Variants in ZNF581 observed in about 807,000 individuals in gnomAD.
ZNF581 encodes the protein zinc finger protein 581.
In ZNF581, 1 loss-of-function variant was observed where a neutral mutation model predicts 1.2. The ratio of observed to expected loss-of-function variants is 0.83; its 90% CI spans 0.30 to 3.95. The LOEUF is 3.95. Ranked by LOEUF, ZNF581 falls within the 30% of genes most tolerant of loss-of-function variation. ZNF581 has a pLI of 0.18. For synonymous variants in ZNF581, 105 were observed against 109.2 expected (o/e 0.96, Z 0.24); for missense variants, 273 against 274.6 (o/e 0.99, Z 0.04).
upstream of ZNF581, chr19:55,642,275 G>T: frequency 2.4e-6 from 3 of 1,243,152 alleles, no homozygotes; most frequent in Non-Finnish European, 3.0e-6. Context: ...GGAGTGGCAG[G>T]TGGTGGCGGG....
upstream of ZNF581, chr19:55,642,212 T>TC (rs1298043142): frequency 2.6e-6 from 3 of 1,173,456 alleles, no homozygotes; most frequent in East Asian, 1.2e-4. Context: ...GGAAGAAAAG[T>TC]CGGGGGACTA....
upstream of ZNF581, among the ~76,000 whole-genome samples, chr19:55,638,239 G>A (rs540053994): frequency 6.6e-6 from 1 of 150,732 alleles, no homozygotes; most frequent in Non-Finnish European, 1.5e-5. Context: ...TTTTTTGTTT[G>A]TTTGTTTGTT....
At chr19:55,643,333 C>T (rs1414786969), upstream of ZNF581, 5 of 359,936 alleles carry the variant, frequency 1.4e-5, no homozygotes, top group African/African-American at 8.5e-5. Flanking sequence ...TGGTTTTCTG[C>T]TCTCTGGAGC....
upstream of ZNF581, chr19:55,642,502 G>A (rs310475): frequency 0.63 from 889,718 of 1,422,626 alleles, 283,526 homozygotes; most frequent in Non-Finnish European, 0.65. Flanking sequence ...CCCAGCTGCC[G>A]CTCCAGATGC....
chr19:55,643,423 T>G, upstream of ZNF581: 1 of 209,048 alleles, frequency 4.8e-6, no homozygotes, highest in Non-Finnish European at 1.0e-5. Context: ...TCTACCCCCC[T>G]TCCGCCCACG....
At chr19:55,641,098 T>C, upstream of ZNF581, 1 of 985,102 alleles carries the variant, frequency 1.0e-6, no homozygotes, top group African/African-American at 1.7e-5. Context: ...GAAGTCTCGG[T>C]TCCGCCGCCG....
rs1982802398 is a variant in ZNF581, at chr19:55,645,608, A to T, written c.*443A>T. 1 of 171,494 alleles carries T rather than the reference A, an allele frequency of 5.8e-6. No homozygotes were observed. Among genetic ancestry groups the T allele is most frequent in the Non-Finnish European group, 1.4e-5 (1 of 71,338 alleles). 10.6% of individuals were successfully genotyped at this position (171,494 alleles called of 1,614,324 possible). ...GCCTGAGACTGATCAAACAATAAACACGTTTCCCACTCTGAGCACTCGAGG... is the reference window on the plus strand; with the variant it reads ...GCCTGAGACTGATCAAACAATAAACTCGTTTCCCACTCTGAGCACTCGAGG... On this transcript the variant is annotated 3_prime_UTR_variant, in exon 2 of 2. Coordinates refer to ENST00000270451, the MANE Select transcript of ZNF581 (RefSeq NM_016535.4).
rs374283056 is a variant in ZNF581, at chr19:55,645,346, C to T, written c.*181C>T. 7 of 515,896 alleles carry T rather than the reference C, an allele frequency of 1.4e-5. No individual in the cohort carries two copies. Among genetic ancestry groups the T allele is most frequent in the African/African-American group, 9.6e-5 (5 of 51,862 alleles). 32.0% of individuals were successfully genotyped at this position (515,896 alleles called of 1,614,324 possible). A position where few individuals can be genotyped will look rare whatever the true frequency, so the allele number is the denominator to read the frequency against. On this transcript the variant is annotated 3_prime_UTR_variant, in exon 2 of 2. Coordinates refer to ENST00000270451, the MANE Select transcript of ZNF581 (RefSeq NM_016535.4). The stretch of plus-strand genomic sequence containing the variant: ...ATCCGTGAGTAATCTTCAGGTCCTC[C>T]GTGTTCTGGAGCTGAGATGGGAATG...
At chr19:55,641,469 C>T (rs763831542), upstream of ZNF581, among the ~76,000 whole-genome samples, 48 of 152,212 alleles carry the variant, frequency 3.2e-4, no homozygotes, top group Admixed American at 7.2e-4. Flanking sequence ...AAAGAACGGG[C>T]GGGGGACCAC....
At chr19:55,636,924 A>C (rs935277281), upstream of ZNF581, among the ~76,000 whole-genome samples, 1 of 152,112 alleles carries the variant, frequency 6.6e-6, no homozygotes, top group Admixed American at 6.5e-5. Flanking sequence ...AGCCAGCACC[A>C]TGGTGCCCAG....
chr19:55,640,843 G>A (rs1982411809), upstream of ZNF581: 2 of 985,412 alleles, frequency 2.0e-6, no homozygotes, highest in Non-Finnish European at 2.4e-6. Flanking sequence ...CGTTCCGTTC[G>A]GGAGGTGGGA....
At chr19:55,636,963 C>T (rs1237386922), upstream of ZNF581, among the ~76,000 whole-genome samples, 8 of 152,124 alleles carry the variant, frequency 5.3e-5, no homozygotes, top group East Asian at 9.7e-4. Context: ...GGCCAGTCTA[C>T]GCAGGGCCTT....
chr19:55,640,564 T>G (rs991510127), upstream of ZNF581: 12 of 985,358 alleles, frequency 1.2e-5, no homozygotes, highest in Non-Finnish European at 1.4e-5. Context: ...GCGTCTGGCC[T>G]TCTCCGGGCC....
exon 1 of ZNF581, chr19:55,635,636 G>A (rs978264240): frequency 2.9e-5 from 29 of 985,280 alleles, no homozygotes; most frequent in Non-Finnish European, 3.5e-5. Context: ...GGGGACATGA[G>A]TAATCAGTCA....
rs1252662459 is a variant in ZNF581 at position 55,643,725 on chromosome 19, TAGCCCGGG to T, written c.-68_-61del. On this transcript the variant is annotated 5_prime_UTR_variant, in exon 1 of 2. Coordinates refer to ENST00000270451, the MANE Select transcript of ZNF581 (RefSeq NM_016535.4). ...TCGCCGCCGCCTGCAACTGCGAGGG[TAGCCCGGG>T]GCCGCTTGGAGTCGCCCGGACCTGA... 6.6e-6 allele frequency: 1 copy of T among 152,118 alleles called. No individual in the cohort carries two copies. The highest frequency in any genetic ancestry group is 1.9e-4 in the East Asian group (1 of 5,164). The allele number at this position is 152,118 out of a possible 1,614,324, so 9.4% of individuals were successfully genotyped here.
At chr19:55,636,339 T>C (rs967168970), upstream of ZNF581, among the ~76,000 whole-genome samples, 1 of 151,910 alleles carries the variant, frequency 6.6e-6, no homozygotes, top group Admixed American at 6.6e-5. Flanking sequence ...CTTGTCTGGC[T>C]TTGGGGAGTG....
upstream of ZNF581, among the ~76,000 whole-genome samples, chr19:55,639,021 A>G (rs113195356): frequency 2.0e-5 from 3 of 150,888 alleles, no homozygotes; most frequent in African/African-American, 7.3e-5. Context: ...AAAAAAAAAA[A>G]AAAGAAAAAA....
exon 1 of ZNF581, chr19:55,635,686 ATGATTCGC>A: frequency 1.0e-6 from 1 of 988,164 alleles, no homozygotes; most frequent in Non-Finnish European, 1.2e-6. Context: ...AGAAGTCAGA[ATGATTCGC>A]TGCAGCTGTC....
Position 55,645,264 on chromosome 19 carries a change from C to A in ZNF581, c.*99C>A. 1 of 1,100,474 alleles carries A rather than the reference C, an allele frequency of 9.1e-7. No individual in the cohort carries two copies. Among genetic ancestry groups the A allele is most frequent in the Non-Finnish European group, 1.3e-6 (1 of 790,038 alleles). 68.2% of individuals were successfully genotyped at this position (1,100,474 alleles called of 1,614,324 possible). ...GAGCCTGAGGCTGGTGTTCAGGGCC[C>A]TGGACACAGACACAGAGCAGCCGCA... On this transcript the variant is annotated 3_prime_UTR_variant, in exon 2 of 2. Transcript: ENST00000270451.
Sources: allele counts gnomAD v4.1 joint callset (sites outside exome capture counted in the v4.1 genomes callset), GRCh38; gene constraint gnomAD v4.1.1; transcripts MANE v1.5; gene names NCBI Gene and HGNC (gene_info 2026-07-23, HGNC 2026-07-21).